Variants in C19orf44 observed in about 807,000 individuals in gnomAD.
C19orf44 encodes chromosome 19 open reading frame 44.
C19orf44 carries 43 observed loss-of-function variants against 50.7 expected under a neutral mutation model. The observed-to-expected ratio is 0.85, with a 90% CI of 0.66 to 1.09. C19orf44 has a LOEUF of 1.09. C19orf44 is among the 50% of genes least tolerant of loss of function. The pLI, the probability that C19orf44 is intolerant of heterozygous loss-of-function variation, is 0.00. For synonymous variants in C19orf44, 298 were observed against 334.7 expected (o/e 0.89, Z 1.20); for missense variants, 722 against 836.2 (o/e 0.86, Z 1.68).
In C19orf44 at chr19:16,519,631, C is replaced by T. The variant is rs2085588869; in HGVS notation, c.*41-463C>T. On this transcript the variant is annotated intron_variant, in intron 8 of 8. Transcript: ENST00000221671. The surrounding 1 kb of genome is among the most constrained non-coding windows in gnomAD (Gnocchi z 6.0). The stretch of plus-strand genomic sequence containing the variant: ...ATTCCCTCGCCTTACCCATCTTCAC[C>T]AGCATCTGATGGCCTTTGTTCTCTT... 6.2e-7 allele frequency: 1 copy of T among 1,613,896 alleles called. No homozygotes were observed. The highest frequency in any genetic ancestry group is 1.3e-5 in the African/African-American group (1 of 74,912).
Position 16,519,390 on chromosome 19 carries a change from G to A in C19orf44, c.*41-704G>A. 1 of 1,591,640 alleles carries A rather than the reference G, an allele frequency of 6.3e-7. No homozygotes were observed. Among genetic ancestry groups the A allele is most frequent in the East Asian group, 2.2e-5 (1 of 44,702 alleles). On this transcript the variant is annotated intron_variant, in intron 8 of 8. Coordinates refer to ENST00000221671, the MANE Select transcript of C19orf44 (RefSeq NM_032207.4). This position sits in a 1 kb window ranked among gnomAD's most constrained non-coding sequence, Gnocchi z 6.0. The stretch of plus-strand genomic sequence containing the variant: ...ACGCAGTCACAACCACAACAAGGCG[G>A]AGGCAGATGGGGGTGCACGTGGGGG...
chr19:16,514,351 T>A, intron 6 of C19orf44, 146 bp from the exon 7 acceptor site: 1 of 829,896 alleles, frequency 1.2e-6, no homozygotes, highest in South Asian at 1.9e-5. Flanking sequence ...ACCGCTGTAC[T>A]CCAGCCTGGG....
chr19:16,519,920 T>G lies in C19orf44; in HGVS notation c.*41-174T>G, dbSNP rs2085592888. On this transcript the variant is annotated intron_variant, in intron 8 of 8. Transcript: ENST00000221671. This position sits in a 1 kb window ranked among gnomAD's most constrained non-coding sequence, Gnocchi z 6.0. ...GCTGGCCCCCACCCCACGCTCAGCA[T>G]TGAGAGCAGGACACCTCCAACCCAG... is the stretch of plus-strand genomic sequence containing the variant. 3.0e-6 allele frequency: 2 copies of G among 662,628 alleles called. No individual in the cohort carries two copies. The highest frequency in any genetic ancestry group is 3.6e-5 in the South Asian group (2 of 55,726). The allele number at this position is 662,628 out of a possible 1,614,324, so 41.0% of individuals were successfully genotyped here.
chr19:16,506,514 A>G (rs989179914), intron 3 of C19orf44, among the ~76,000 whole-genome samples, 187 bp from the exon 4 acceptor site: 1 of 151,910 alleles, frequency 6.6e-6, no homozygotes, highest in Admixed American at 6.6e-5. Context: ...AATCACTTGA[A>G]CTTGGGAGGC....
rs369234961 is a variant in C19orf44, at chr19:16,520,322, G to A, written c.*269G>A. 7 of 1,610,994 alleles carry A rather than the reference G, an allele frequency of 4.3e-6. No homozygotes were observed. Among genetic ancestry groups the A allele is most frequent in the Non-Finnish European group, 5.9e-6 (7 of 1,177,834 alleles). The stretch of plus-strand genomic sequence containing the variant: ...AGCCAGGCGTCGTGGGGAGGCCACA[G>A]GAAGAGGCCTCAGGCACTGCCCTGA... On this transcript the variant is annotated 3_prime_UTR_variant, in exon 9 of 9. Transcript: ENST00000221671. This position sits in a 1 kb window ranked among gnomAD's most constrained non-coding sequence, Gnocchi z 4.0.
chr19:16,510,102 GTTA>G (rs1353018440), intron 5 of C19orf44, 114 bp downstream of exon 5: 1 of 1,525,314 alleles, frequency 6.6e-7, no homozygotes, highest in Admixed American at 1.8e-5. Context: ...TTGGGCTCTT[GTTA>G]TTAATCACCT....
Position 16,501,552 on chromosome 19 carries a change from G to A in C19orf44, c.759+1G>A. On this transcript the variant is annotated splice_donor_variant, in intron 2 of 8. Transcript: ENST00000221671. LOFTEE classifies it high-confidence loss of function. ...GGAAGAAGAAAGAAAACTATTTTCGGTGAGATTTTTTTTTTTTGGTAAATT... is the reference window on the plus strand; with the variant it reads ...GGAAGAAGAAAGAAAACTATTTTCGATGAGATTTTTTTTTTTTGGTAAATT... 1 of 1,357,560 alleles carries A rather than the reference G, an allele frequency of 7.4e-7. No individual in the cohort carries two copies. Among genetic ancestry groups the A allele is most frequent in the Non-Finnish European group, 9.5e-7 (1 of 1,049,388 alleles). 84.1% of individuals were successfully genotyped at this position (1,357,560 alleles called of 1,614,324 possible).
Position 16,519,388 on chromosome 19 carries a change from C to T in C19orf44, c.*41-706C>T, listed in dbSNP as rs368716370. The stretch of plus-strand genomic sequence containing the variant: ...AGACGCAGTCACAACCACAACAAGG[C>T]GGAGGCAGATGGGGGTGCACGTGGG... On this transcript the variant is annotated intron_variant, in intron 8 of 8. Transcript: ENST00000221671. This position sits in a 1 kb window ranked among gnomAD's most constrained non-coding sequence, Gnocchi z 6.0. 150 of 1,594,926 alleles carry T rather than the reference C, an allele frequency of 9.4e-5. No homozygotes were observed. Among genetic ancestry groups the T allele is most frequent in the Non-Finnish European group, 1.2e-4 (137 of 1,171,330 alleles).
Position 16,501,047 on chromosome 19 carries a change from C to CTG in C19orf44, c.256_257insGT (p.Ser86CysfsTer11). The CTG allele has an allele frequency of 6.2e-7, 1 of 1,614,176 alleles. No individual in the cohort carries two copies. Among genetic ancestry groups the CTG allele is most frequent in the African/African-American group, 1.3e-5 (1 of 75,046 alleles). On this transcript the variant is annotated frameshift_variant, in exon 2 of 9. Transcript: ENST00000221671. LOFTEE classifies it high-confidence loss of function. ...CCTCATGTAGACCGCCCACCACTGC[C>CTG]TCCAGGATCCGAGCCAATGCCGCAC...
chr19:16,500,828 T>C lies in C19orf44; in HGVS notation c.36T>C (p.Arg12=). Residue 12 remains arginine (R), a synonymous_variant, in exon 2 of 9, where the codon CGT becomes CGC. Transcript: ENST00000221671. ...ASARKASRPM[R]DVFGDFSDVS... is the part of the protein sequence containing the mutation. ...CAAGGAAAGCCAGCCGTCCCATGCG[T>C]GATGTTTTTGGTGACTTCAGTGATG... 6.3e-7 allele frequency: 1 copy of C among 1,597,834 alleles called. No individual in the cohort carries two copies. Among genetic ancestry groups the C allele is most frequent in the Non-Finnish European group, 8.5e-7 (1 of 1,174,216 alleles).
chr19:16,498,051 G>A (rs2093414961), intron 1 of C19orf44, among the ~76,000 whole-genome samples: 1 of 152,044 alleles, frequency 6.6e-6, no homozygotes, highest in Non-Finnish European at 1.5e-5. Context: ...AGGCTGTAGT[G>A]AGCCATGATA....
chr19:16,515,459 A>C (rs1351346759), intron 7 of C19orf44, among the ~76,000 whole-genome samples: 1 of 152,212 alleles, frequency 6.6e-6, no homozygotes, highest in Non-Finnish European at 1.5e-5. Context: ...TTAATTTCAG[A>C]GGTAACTATT....
intron 1 of C19orf44, among the ~76,000 whole-genome samples, chr19:16,497,868 A>G (rs371873285): frequency 1.3e-5 from 2 of 152,128 alleles, no homozygotes; most frequent in East Asian, 3.8e-4. Flanking sequence ...TAATCTCAGC[A>G]TTTTGGGAGG....
chr19:16,513,993 ATTTTT>A (rs201243218), intron 6 of C19orf44, among the ~76,000 whole-genome samples: 1 of 146,566 alleles, frequency 6.8e-6, no homozygotes, highest in Non-Finnish European at 1.5e-5. Context: ...CAATTTTTTA[ATTTTT>A]TTTTTTTGAG....
chr19:16,515,441 A>C (rs2093468843), intron 7 of C19orf44, among the ~76,000 whole-genome samples: 1 of 152,232 alleles, frequency 6.6e-6, no homozygotes, highest in South Asian at 2.1e-4. Context: ...GTAACCTGCA[A>C]GTTCTCCTTA....
Position 16,519,532 on chromosome 19 carries a change from C to T in C19orf44, c.*41-562C>T, listed in dbSNP as rs780273006. ...ACCGGCCTGACTCCATCCATCCCCA[C>T]ATGCACTGAGGAAGAGAAAGCGCTG... On this transcript the variant is annotated intron_variant, in intron 8 of 8. Coordinates refer to ENST00000221671, the MANE Select transcript of C19orf44 (RefSeq NM_032207.4). The surrounding 1 kb of genome is among the most constrained non-coding windows in gnomAD (Gnocchi z 6.0). The T allele has an allele frequency of 2.7e-4, 359 of 1,326,800 alleles. No homozygotes were observed. Among genetic ancestry groups the T allele is most frequent in the Non-Finnish European group, 3.6e-4 (332 of 923,710 alleles). 82.2% of individuals were successfully genotyped at this position (1,326,800 alleles called of 1,614,324 possible).
chr19:16,516,038 T>TCCACCTGC (rs2093470653), intron 7 of C19orf44, among the ~76,000 whole-genome samples: 1 of 152,186 alleles, frequency 6.6e-6, no homozygotes, highest in Non-Finnish European at 1.5e-5. Flanking sequence ...CCACAGGTGA[T>TCCACCTGC]CCACCTGCCT....
In C19orf44 at chr19:16,500,827, G is replaced by A. The variant is rs759197090; in HGVS notation, c.35G>A (p.Arg12His). 12 of 1,597,554 alleles carry A rather than the reference G, an allele frequency of 7.5e-6. No individual in the cohort carries two copies. Among genetic ancestry groups the A allele is most frequent in the South Asian group, 5.7e-5 (5 of 88,238 alleles). The change falls in exon 2 of 9, where the codon CGT becomes CAT. Residue 12 changes from arginine (R) to histidine (H), a missense_variant. Arg to His is a conservative substitution (Grantham distance 29). Coordinates refer to ENST00000221671, the MANE Select transcript of C19orf44 (RefSeq NM_032207.4). ...ASARKASRPMRDVFGDFSDVS... is the reference protein window; with the variant it reads ...ASARKASRPMHDVFGDFSDVS... Reference sequence around the variant, plus strand: ...GCAAGGAAAGCCAGCCGTCCCATGCGTGATGTTTTTGGTGACTTCAGTGAT... The same window carrying A: ...GCAAGGAAAGCCAGCCGTCCCATGCATGATGTTTTTGGTGACTTCAGTGAT...
At chr19:16,518,913 C>A (rs531994416) in intron 8 of C19orf44, 1 of 546,990 alleles carries the variant, frequency 1.8e-6, no homozygotes. Flanking sequence ...TAAAGGAAAA[C>A]GAGCCTGGGG....
Sources: allele counts gnomAD v4.1 joint callset (sites outside exome capture counted in the v4.1 genomes callset), GRCh38; gene constraint gnomAD v4.1.1; non-coding constraint Gnocchi (gnomAD v3.1); transcripts MANE v1.5; gene names NCBI Gene and HGNC (gene_info 2026-07-23, HGNC 2026-07-21).